Variants in CHD9 observed in about 807,000 individuals in gnomAD.
The protein encoded by CHD9 is chromodomain helicase DNA binding protein 9.
CHD9 carries 77 observed loss-of-function variants against 316.1 expected under a neutral mutation model. The observed-to-expected ratio is 0.24, with a 90% CI of 0.20 to 0.29. The LOEUF (loss-of-function observed/expected upper bound fraction) is 0.29. CHD9 is among the 10% of genes least tolerant of loss of function. CHD9 has a pLI of 1.00. For synonymous variants in CHD9, 1,129 were observed against 1,158.3 expected (o/e 0.97, Z 0.51); for missense variants, 2,763 against 3,438.1 (o/e 0.80, Z 4.91).
intron 2 of CHD9, among the ~76,000 whole-genome samples, chr16:53,186,248 C>T (rs2043994095): frequency 6.6e-6 from 1 of 152,218 alleles, no homozygotes; most frequent in Non-Finnish European, 1.5e-5. Context: ...CTTGTATCAG[C>T]ATGCCCTGGA....
intron 2 of CHD9, among the ~76,000 whole-genome samples, chr16:53,184,347 C>T (rs867068942): frequency 1.3e-5 from 2 of 151,868 alleles, no homozygotes; most frequent in African/African-American, 4.8e-5. Context: ...TTTGTTGTTA[C>T]GGTTTTTGAA....
intron 32 of CHD9, 23 bp downstream of exon 32, chr16:53,306,420 G>A (rs1421989190): frequency 6.5e-7 from 1 of 1,538,134 alleles, no homozygotes; most frequent in Non-Finnish European, 8.7e-7. Flanking sequence ...TTTCTTATTG[G>A]GATAGGTCAT....
At position 53,226,372 on chromosome 16, in the gene CHD9, A is replaced by C. The variant is rs1412157208; in HGVS notation, c.1903A>C (p.Arg635=). The C allele has an allele frequency of 6.4e-7, 1 of 1,556,354 alleles. No homozygotes were observed. Among genetic ancestry groups the C allele is most frequent in the South Asian group, 1.2e-5 (1 of 82,124 alleles). The change falls in exon 5 of 39, where the codon AGA becomes CGA. Residue 635 remains arginine, a synonymous_variant. Coordinates refer to ENST00000447540, the MANE Select transcript of CHD9 (RefSeq NM_001308319.2). ...TLKDQDSQKR[R]SNRQIKRKKY... is the part of the protein sequence containing the mutation. ...TTCTTGTGGTTCATTACAGAAAAGA[A>C]GATCAAATCGACAAATTAAAAGAAA...
Position 53,235,294 on chromosome 16 carries a change from A to C in CHD9, c.2621A>C (p.Asn874Thr). The change falls in exon 11 of 39, where the codon AAT (asparagine) becomes ACT (threonine). Residue 874 changes from asparagine (N) to threonine (T), a missense_variant. Around this residue, in one of 15 missense-constraint regions of CHD9, gnomAD observed 186 missense variants for 245.0 expected, o/e 0.76. Coordinates refer to ENST00000447540, the MANE Select transcript of CHD9 (RefSeq NM_001308319.2). Reference sequence around the variant, plus strand: ...GAAGGACTCAACTGGCTCTTGTTCAATTGGTACAATAGGTATGTAGTATAT... The same window carrying C: ...GAAGGACTCAACTGGCTCTTGTTCACTTGGTACAATAGGTATGTAGTATAT... ...QLEGLNWLLF[N>T]WYNRRNCILA... is the part of the protein sequence containing the mutation. The C allele has an allele frequency of 6.5e-7, 1 of 1,547,294 alleles. No homozygotes were observed. The highest frequency in any genetic ancestry group is 8.7e-7 in the Non-Finnish European group (1 of 1,143,290).
At chr16:53,121,737 A>G (rs2038747853) in intron 1 of CHD9, 1 of 165,118 alleles carries the variant, frequency 6.1e-6, no homozygotes, top group Admixed American at 6.1e-5. Flanking sequence ...CCTAGCCCTC[A>G]TTTCTGTTTG....
At chr16:53,210,806 A>T (rs2046273018) in intron 3 of CHD9, among the ~76,000 whole-genome samples, 1 of 152,100 alleles carries the variant, frequency 6.6e-6, no homozygotes, top group Non-Finnish European at 1.5e-5. Context: ...TTTTAAATGT[A>T]ACCGCCAAAT....
intron 12 of CHD9, among the ~76,000 whole-genome samples, chr16:53,238,807 T>C (rs2048840612): frequency 1.3e-5 from 2 of 152,206 alleles, no homozygotes; most frequent in Non-Finnish European, 1.5e-5. Context: ...TAATGAAGTA[T>C]GCAGATTTAA....
intron 16 of CHD9, 99 bp from the exon 17 acceptor site, chr16:53,249,772 A>G (rs1489240562): frequency 9.5e-6 from 9 of 945,292 alleles, no homozygotes; most frequent in Non-Finnish European, 4.9e-6. Context: ...ATTTTAGAGA[A>G]AACATAATGC....
At chr16:53,270,349 T>C (rs1044214035) in intron 22 of CHD9, among the ~76,000 whole-genome samples, 1 of 152,032 alleles carries the variant, frequency 6.6e-6, no homozygotes, top group African/African-American at 2.4e-5. Flanking sequence ...CTAATTAGAA[T>C]GTTGAATACC....
At chr16:53,228,422 T>C (rs2047845909) in intron 7 of CHD9, among the ~76,000 whole-genome samples, 1 of 152,124 alleles carries the variant, frequency 6.6e-6, no homozygotes, top group Admixed American at 6.5e-5. Context: ...ACCTTAAAGT[T>C]TTTAATTTTA....
chr16:53,227,514 A>G (rs1405313177), intron 6 of CHD9, 34 bp from the exon 7 acceptor site: 3 of 1,481,210 alleles, frequency 2.0e-6, no homozygotes, highest in African/African-American at 1.4e-5. Context: ...TGGCCTGTTT[A>G]AAAGAGTCAC....
chr16:53,058,516 G>C (rs1374207202), intron 1 of CHD9, among the ~76,000 whole-genome samples: 2 of 152,192 alleles, frequency 1.3e-5, no homozygotes, highest in Admixed American at 1.3e-4. Context: ...CTGGCAGAAA[G>C]GTCAGCATGT....
At chr16:53,150,268 A>G (rs1207483930) in intron 1 of CHD9, among the ~76,000 whole-genome samples, 1 of 119,532 alleles carries the variant, frequency 8.4e-6, no homozygotes, top group Non-Finnish European at 1.8e-5. Context: ...CCTTTTCTGT[A>G]TATTTTTTAG....
chr16:53,171,366 C>T (rs2042707188), intron 2 of CHD9, among the ~76,000 whole-genome samples: 1 of 151,926 alleles, frequency 6.6e-6, no homozygotes, highest in Non-Finnish European at 1.5e-5. Flanking sequence ...TTGCAGTGAT[C>T]CGAGATCACG....
At chr16:53,205,710 G>A (rs1413092729) in intron 2 of CHD9, among the ~76,000 whole-genome samples, 1 of 152,196 alleles carries the variant, frequency 6.6e-6, no homozygotes, top group Non-Finnish European at 1.5e-5. Context: ...AACTTTATAA[G>A]AGAAGTGAGT....
At chr16:53,135,505 G>A (rs1479154387) in intron 1 of CHD9, among the ~76,000 whole-genome samples, 6 of 152,170 alleles carry the variant, frequency 3.9e-5, no homozygotes, top group Non-Finnish European at 7.4e-5. Flanking sequence ...ACAACTGACA[G>A]ATTCATGATG....
chr16:53,272,341 G>A lies in CHD9; in HGVS notation c.4718-1285G>A, dbSNP rs997907228. Among the ~76,000 whole-genome samples, 4 of 151,418 alleles carry A rather than the reference G, an allele frequency of 2.6e-5. No individual in the cohort carries two copies. In the South Asian group the frequency reaches 6.2e-4, roughly 24 times the overall value. ...CATACATCTAAAATAGTCTCAAAAT[G>A]TAAAGGCAAAAGAAAAAAAAAACCT... On this transcript the variant is annotated intron_variant, in intron 22 of 38. Transcript: ENST00000447540.
At chr16:53,060,359 G>A (rs2032720166) in intron 1 of CHD9, among the ~76,000 whole-genome samples, 1 of 151,480 alleles carries the variant, frequency 6.6e-6, no homozygotes, top group Non-Finnish European at 1.5e-5. Context: ...CATGCCTGTA[G>A]CCCCAGCACT....
intron 26 of CHD9, among the ~76,000 whole-genome samples, chr16:53,286,970 A>G (rs759736360): frequency 4.0e-5 from 6 of 151,384 alleles, no homozygotes; most frequent in Non-Finnish European, 8.8e-5. Context: ...TTTTCCAGAT[A>G]TTTTCTTGAG....
Sources: gnomAD v4.1 joint callset for allele counts (sites outside exome capture counted in the v4.1 genomes callset) on GRCh38, gnomAD v4.1.1 for gene constraint, gnomAD v4.1.1 regional missense constraint, MANE v1.5 for transcripts, NCBI Gene and HGNC (gene_info 2026-07-23, HGNC 2026-07-21) for gene names.